SENP7: variants seen among roughly 807,000 people sequenced by gnomAD.
SENP7 encodes the protein sentrin-specific protease 7.
In SENP7, 64 loss-of-function variants were observed where a neutral mutation model predicts 141.2. The observed-to-expected ratio is 0.45, with a 90% confidence interval of 0.37 to 0.56. The LOEUF (loss-of-function observed/expected upper bound fraction) is 0.56. SENP7 is among the 20% of genes least tolerant of loss of function. The pLI is 0.00. For missense variants in SENP7, 1,025 were observed against 1,212.2 expected (o/e 0.85, Z 2.29); for synonymous variants, 382 against 426.4 (o/e 0.90, Z 1.28).
intron 3 of SENP7, among the ~76,000 whole-genome samples, chr3:101,468,399 A>G (rs1315920865): frequency 1.3e-5 from 2 of 152,198 alleles, no homozygotes; most frequent in South Asian, 2.1e-4. Flanking sequence ...CCCAAGACGC[A>G]TAATTGTCAG....
chr3:101,395,710 T>C (rs1008908919), intron 6 of SENP7, among the ~76,000 whole-genome samples: 2 of 152,210 alleles, frequency 1.3e-5, no homozygotes, highest in Non-Finnish European at 2.9e-5. Context: ...GTTCAGTATT[T>C]GCTAAATTAA....
intron 6 of SENP7, among the ~76,000 whole-genome samples, chr3:101,394,102 C>G (rs546322064): frequency 4.0e-4 from 61 of 152,308 alleles, no homozygotes; most frequent in African/African-American, 1.4e-3. Context: ...CATTGCCCCC[C>G]ACCACACATA....
intron 3 of SENP7, among the ~76,000 whole-genome samples, chr3:101,479,699 T>C (rs1305020673): frequency 1.4e-5 from 2 of 145,408 alleles, no homozygotes; most frequent in Non-Finnish European, 3.0e-5. Context: ...TGCTAGCTAA[T>C]AGGGAGGCTG....
At chr3:101,503,092 G>A (rs1188660261) in intron 1 of SENP7, among the ~76,000 whole-genome samples, 2 of 151,998 alleles carry the variant, frequency 1.3e-5, no homozygotes, top group East Asian at 3.8e-4. Flanking sequence ...CTTCAAAATG[G>A]ACAAAAGTCT....
intron 3 of SENP7, among the ~76,000 whole-genome samples, chr3:101,480,400 C>T (rs983619420): frequency 6.6e-6 from 1 of 152,088 alleles, no homozygotes; most frequent in Non-Finnish European, 1.5e-5. Flanking sequence ...TCAACTCAGG[C>T]ACCCTAACAT....
chr3:101,355,686 C>A lies in SENP7; in HGVS notation c.1624-4035G>T, dbSNP rs572950837. 7.9e-5 allele frequency among the ~76,000 whole-genome samples: 12 copies of A among 152,260 alleles called. No individual in the cohort carries two copies. In the South Asian group the frequency reaches 1.7e-3, roughly 21 times the overall value. ...TTCCTTTTGCTTAGGATTGCCTTGG[C>A]AATCAGGCCTCTTTTTTTTGGCTCC... On this transcript the variant is annotated intron_variant, in intron 11 of 23. Transcript: ENST00000394095.
At chr3:101,348,914 C>T (rs1180949028) in intron 12 of SENP7, among the ~76,000 whole-genome samples, 1 of 152,124 alleles carries the variant, frequency 6.6e-6, no homozygotes, top group Non-Finnish European at 1.5e-5. Flanking sequence ...AAGATGGGCA[C>T]CTATTTGAAA....
chr3:101,443,934 T>TA (rs1406588114), intron 4 of SENP7, among the ~76,000 whole-genome samples: 1 of 150,984 alleles, frequency 6.6e-6, no homozygotes, highest in Non-Finnish European at 1.5e-5. Flanking sequence ...CAAAAGAAAC[T>TA]ACCATCAGAG....
At chr3:101,427,680 G>T (rs918113942) in intron 4 of SENP7, among the ~76,000 whole-genome samples, 1 of 151,822 alleles carries the variant, frequency 6.6e-6, no homozygotes, top group African/African-American at 2.4e-5. Flanking sequence ...TTGAAGAAAA[G>T]AATATCAAAT....
At chr3:101,449,646 A>T (rs2063043168) in intron 4 of SENP7, among the ~76,000 whole-genome samples, 1 of 152,198 alleles carries the variant, frequency 6.6e-6, no homozygotes, top group African/African-American at 2.4e-5. Context: ...GAGAAATAAA[A>T]TCCTTTACAG....
intron 8 of SENP7, 101 bp from the exon 9 acceptor site, chr3:101,366,870 A>G (rs147669115): frequency 6.8e-5 from 47 of 695,624 alleles, no homozygotes; most frequent in Admixed American, 4.8e-4. Context: ...TATCACTTCT[A>G]TAACTACATG....
At chr3:101,493,564 C>A (rs1559907623) in intron 3 of SENP7, among the ~76,000 whole-genome samples, 1 of 152,036 alleles carries the variant, frequency 6.6e-6, no homozygotes, top group Non-Finnish European at 1.5e-5. Flanking sequence ...GGGTCAAGTG[C>A]ATAAGAACAA....
chr3:101,339,917 A>G (rs2059287718), intron 16 of SENP7, among the ~76,000 whole-genome samples, 178 bp downstream of exon 16: 1 of 152,206 alleles, frequency 6.6e-6, no homozygotes, highest in Non-Finnish European at 1.5e-5. Context: ...CAGTAAGTAA[A>G]GCAATGAAAC....
chr3:101,372,112 C>A lies in SENP7; in HGVS notation c.692G>T (p.Ser231Ile), dbSNP rs1300261198. The A allele has an allele frequency of 6.5e-7, 1 of 1,548,740 alleles. No homozygotes were observed. The highest frequency in any genetic ancestry group is 1.3e-5 in the South Asian group (1 of 79,978). ...TGCAGAATTGTCATCTACTGTCTTA[C>A]TTCGTTGTGAGCCCCTGCAAAAGAG... ...CYLSERGSQR[S>I]KTVDDNSAKQ... Residue 231 changes from serine to isoleucine, a missense_variant, in exon 7 of 24, where the codon AGT becomes ATT. Ser to Ile is a moderately radical substitution (Grantham distance 142, BLOSUM62 -2). This residue lies in a region of SENP7 where 496 missense variants were observed against 503.5 expected (regional missense o/e 0.99). Coordinates refer to ENST00000394095, the MANE Select transcript of SENP7 (RefSeq NM_020654.5).
chr3:101,350,488 T>C (rs2059585409), intron 12 of SENP7, among the ~76,000 whole-genome samples: 1 of 152,106 alleles, frequency 6.6e-6, no homozygotes, highest in South Asian at 2.1e-4. Flanking sequence ...AGACTAATAT[T>C]TTCTTCTTTC....
chr3:101,504,401 G>A (rs1455756550), intron 1 of SENP7, among the ~76,000 whole-genome samples: 1 of 150,840 alleles, frequency 6.6e-6, no homozygotes, highest in Non-Finnish European at 1.5e-5. Flanking sequence ...AGAGGTTGCA[G>A]TGAGCCAAGA....
At chr3:101,361,633 T>C (rs1323505455) in intron 11 of SENP7, 82 bp downstream of exon 11, 1 of 1,328,252 alleles carries the variant, frequency 7.5e-7, no homozygotes, top group South Asian at 1.9e-5. Context: ...TATTCTTATT[T>C]GTGCTAAGAA....
chr3:101,441,850 C>CTCCGTT (rs2062687388), intron 4 of SENP7, among the ~76,000 whole-genome samples: 1 of 152,204 alleles, frequency 6.6e-6, no homozygotes, highest in Non-Finnish European at 1.5e-5. Context: ...TTAGAAACCA[C>CTCCGTT]AGATTCACTT....
At chr3:101,407,233 C>T (rs941209158) in intron 5 of SENP7, among the ~76,000 whole-genome samples, 2 of 152,124 alleles carry the variant, frequency 1.3e-5, no homozygotes, top group Non-Finnish European at 2.9e-5. Flanking sequence ...ATTAGTCCAA[C>T]AGGAAAATAT....
Sources: allele counts gnomAD v4.1 joint callset (sites outside exome capture counted in the v4.1 genomes callset), GRCh38; gene constraint gnomAD v4.1.1; regional missense constraint gnomAD v4.1.1; transcripts MANE v1.5; gene names NCBI Gene and HGNC (gene_info 2026-07-23, HGNC 2026-07-21).